Variants in ZNF143 observed in about 807,000 individuals in gnomAD.
ZNF143 encodes the protein zinc finger protein 143, also known as SPH-binding factor.
In ZNF143, 49 loss-of-function variants were observed where a neutral mutation model predicts 74.1. That is an observed-to-expected ratio of 0.66 (90% CI 0.53 to 0.84). The LOEUF (loss-of-function observed/expected upper bound fraction) is 0.84. ZNF143 is among the 40% of genes least tolerant of loss of function. ZNF143 has a pLI of 0.00. For missense variants in ZNF143, 637 were observed against 793.4 expected (o/e 0.80, Z 2.37); for synonymous variants, 304 against 282.8 (o/e 1.07, Z -0.75).
rs942476953 is a variant in ZNF143, at chr11:9,474,511, TA to T, written c.290-38del. ...GCTAAGTGAGTTAATTGGAATGTGC[TA>T]GAAAACATGAGATCTAAATGTAAGC... On this transcript the variant is annotated intron_variant, in intron 4 of 15. Transcript: ENST00000396602. 3 of 1,604,814 alleles carry T rather than the reference TA, an allele frequency of 1.9e-6. No homozygotes were observed. The African/African-American group carries it at 4.0e-5, about 21-fold the overall frequency.
chr11:9,511,918 A>AT (rs1468796700), intron 12 of ZNF143, among the ~76,000 whole-genome samples: 2 of 149,214 alleles, frequency 1.3e-5, no homozygotes, highest in Admixed American at 6.7e-5. Context: ...TGACCAGCTA[A>AT]TTTTTTGTAT....
chr11:9,501,382 G>T, intron 11 of ZNF143, 112 bp downstream of exon 11: 1 of 1,271,622 alleles, frequency 7.9e-7, no homozygotes, highest in South Asian at 1.5e-5. Flanking sequence ...CACTTGGCAT[G>T]GTGGAAAGAG....
chr11:9,500,832 G>T (rs1301006843), intron 10 of ZNF143, among the ~76,000 whole-genome samples: 1 of 151,544 alleles, frequency 6.6e-6, no homozygotes, highest in East Asian at 1.9e-4. Context: ...CTCATTTTTT[G>T]CCTACCTGGA....
intron 7 of ZNF143, among the ~76,000 whole-genome samples, chr11:9,482,219 C>T (rs1260113341): frequency 1.3e-5 from 2 of 148,696 alleles, no homozygotes; most frequent in African/African-American, 2.5e-5. Flanking sequence ...ATCTGCCTGC[C>T]TTGGCTTCCC....
At position 9,508,749 on chromosome 11, in the gene ZNF143, C is replaced by T; in HGVS notation, c.1278C>T (p.Tyr426=). The T allele has an allele frequency of 1.9e-6, 3 of 1,613,732 alleles. No homozygotes were observed. The highest frequency in any genetic ancestry group is 2.5e-6 in the Non-Finnish European group (3 of 1,179,838). The part of the protein sequence containing the change: ...PYNCNHCGKT[Y]KQISTLAMHK... ...ACTGTAACCACTGTGGGAAGACATACAAGCAGATCTCCACGCTGGCCATGC... is the reference window on the plus strand; with the variant it reads ...ACTGTAACCACTGTGGGAAGACATATAAGCAGATCTCCACGCTGGCCATGC... Residue 426 remains tyrosine, a synonymous_variant, in exon 12 of 16, where the codon TAC becomes TAT. Coordinates refer to ENST00000396602, the MANE Select transcript of ZNF143 (RefSeq NM_003442.6).
At chr11:9,475,910 A>ATGTATG (rs1554962073) in intron 5 of ZNF143, among the ~76,000 whole-genome samples, 1 of 137,288 alleles carries the variant, frequency 7.3e-6, no homozygotes, top group East Asian at 2.1e-4. Flanking sequence ...AAAAATATAT[A>ATGTATG]TGTGTGTGTG....
chr11:9,474,772 A>G, intron 5 of ZNF143, 139 bp downstream of exon 5: 1 of 953,418 alleles, frequency 1.0e-6, no homozygotes, highest in Non-Finnish European at 1.5e-6. Flanking sequence ...GGCAGATTTA[A>G]GCATGATTTA....
At position 9,473,972 on chromosome 11, in the gene ZNF143, G is replaced by C; in HGVS notation, c.237G>C (p.Gln79His). The change falls in exon 4 of 16, where the codon CAG (glutamine) becomes CAC (histidine). Residue 79 changes from glutamine (Q) to histidine (H), a missense_variant. Gln to His is a conservative substitution (Grantham distance 24). This residue lies in a region of ZNF143 where 293 missense variants were observed against 307.8 expected (regional missense o/e 0.95). Coordinates refer to ENST00000396602, the MANE Select transcript of ZNF143 (RefSeq NM_003442.6). Reference protein sequence around the residue: ...DAKLIDGQVIQLEDGSAAYVQ... With the variant: ...DAKLIDGQVIHLEDGSAAYVQ... ...AACTCATAGATGGCCAGGTCATTCA[G>C]TTGGAAGATGGTTCTGCGGCCTATG... The C allele has an allele frequency of 2.5e-6, 4 of 1,614,130 alleles. No homozygotes were observed. The highest frequency in any genetic ancestry group is 2.5e-6 in the Non-Finnish European group (3 of 1,179,998).
intron 3 of ZNF143, among the ~76,000 whole-genome samples, chr11:9,473,295 G>A (rs1243208800): frequency 2.6e-5 from 4 of 151,560 alleles, no homozygotes; most frequent in Admixed American, 2.6e-4. Context: ...GGAGGCTGAG[G>A]CAGGAGAGTC....
At chr11:9,468,755 G>A (rs907734365) in intron 1 of ZNF143, among the ~76,000 whole-genome samples, 1 of 152,138 alleles carries the variant, frequency 6.6e-6, no homozygotes, top group Non-Finnish European at 1.5e-5. Context: ...TGAGGCAGGA[G>A]GATCACATGA....
At chr11:9,475,029 G>A (rs1856795049) in intron 5 of ZNF143, among the ~76,000 whole-genome samples, 1 of 151,426 alleles carries the variant, frequency 6.6e-6, no homozygotes, top group South Asian at 2.1e-4. Context: ...TGGGACTACA[G>A]GTGCATGCTG....
chr11:9,471,931 TTTTG>T (rs1270617490), intron 2 of ZNF143, among the ~76,000 whole-genome samples: 2 of 112,506 alleles, frequency 1.8e-5, no homozygotes, highest in Admixed American at 8.8e-5. Context: ...TTTTCTTTTC[TTTTG>T]TTTTTTTTTT....
rs1350854588 is a variant in ZNF143, at chr11:9,496,341, G to T, written c.804G>T (p.Gln268His). ...ERSHTGDRPYQCEHAGCGKAF... is the reference protein window; with the variant it reads ...ERSHTGDRPYHCEHAGCGKAF... ...CACACACAGGAGATCGGCCTTATCA[G>T]TGTGAGCATGCAGGCTGTGGGAAGG... The change falls in exon 9 of 16, where the codon CAG becomes CAT. Residue 268 changes from glutamine to histidine, a missense_variant. By Grantham distance (24) the Gln-to-His change is conservative. This residue lies in a region of ZNF143 where 344 missense variants were observed against 485.6 expected (regional missense o/e 0.71). Transcript: ENST00000396602. 6.2e-7 allele frequency: 1 copy of T among 1,614,166 alleles called. No homozygotes were observed. The highest frequency in any genetic ancestry group is 8.5e-7 in the Non-Finnish European group (1 of 1,180,036).
chr11:9,512,365 T>C (rs1848579885), intron 12 of ZNF143, 83 bp from the exon 13 acceptor site: 1 of 1,498,426 alleles, frequency 6.7e-7, no homozygotes, highest in Non-Finnish European at 9.0e-7. Flanking sequence ...AATTATGTAA[T>C]TTTCTCTTTA....
intron 7 of ZNF143, among the ~76,000 whole-genome samples, chr11:9,485,353 T>C (rs1275192634): frequency 1.4e-5 from 2 of 142,772 alleles, no homozygotes; most frequent in Admixed American, 6.9e-5. Context: ...CTCTCTTTTT[T>C]TTTTTTTTTT....
At position 9,490,539 on chromosome 11, in the gene ZNF143, A is replaced by G. The variant is rs527898496; in HGVS notation, c.646-4107A>G. ...GGGCTCAAGTGATCCACCTGCTTCA[A>G]TCTCTCAAAAGTGCTGGGATTACAG... On this transcript the variant is annotated intron_variant, in intron 7 of 15. Coordinates refer to ENST00000396602, the MANE Select transcript of ZNF143 (RefSeq NM_003442.6). 6.1e-4 allele frequency among the ~76,000 whole-genome samples: 93 copies of G among 151,540 alleles called. No homozygotes were observed. The South Asian group carries it at 0.013, about 20-fold the overall frequency.
At chr11:9,464,614 A>G (rs1194000158) in intron 1 of ZNF143, among the ~76,000 whole-genome samples, 2 of 151,428 alleles carry the variant, frequency 1.3e-5, no homozygotes, top group Admixed American at 6.6e-5. Context: ...CAATCAATCA[A>G]TCAATCAATG....
chr11:9,523,811 G>A (rs184156759), intron 14 of ZNF143, among the ~76,000 whole-genome samples: 1 of 151,978 alleles, frequency 6.6e-6, no homozygotes, highest in Non-Finnish European at 1.5e-5. Context: ...GCTTTGGGAG[G>A]CCGAGGCGGG....
At chr11:9,488,336 T>G (rs1386208348) in intron 7 of ZNF143, among the ~76,000 whole-genome samples, 1 of 152,248 alleles carries the variant, frequency 6.6e-6, no homozygotes, top group African/African-American at 2.4e-5. Context: ...AATACCTTCC[T>G]TTGGCTTTCA....
Sources: allele counts gnomAD v4.1 joint callset (sites outside exome capture counted in the v4.1 genomes callset), GRCh38; gene constraint gnomAD v4.1.1; regional missense constraint gnomAD v4.1.1; transcripts MANE v1.5; gene names NCBI Gene and HGNC (gene_info 2026-07-23, HGNC 2026-07-21).